The following CPNE4 variants were observed in gnomAD, a reference collection of about 807,000 sequenced individuals.
The protein encoded by CPNE4 is copine 4, also known as copine-4.
In CPNE4, 25 loss-of-function variants were observed where a neutral mutation model predicts 67.9. That is an observed-to-expected ratio of 0.37 (90% CI 0.27 to 0.51). The LOEUF (loss-of-function observed/expected upper bound fraction) is 0.51. CPNE4 is among the 20% of genes least tolerant of loss of function. The pLI is 0.93. For synonymous variants in CPNE4, 242 were observed against 244.9 expected, an observed-to-expected ratio of 0.99 and a Z score of 0.11; for missense variants, 464 against 690.8, an observed-to-expected ratio of 0.67 and a Z score of 3.68.
chr3:131,910,231 G>A (rs1310358065), intron 1 of CPNE4, among the ~76,000 whole-genome samples: 1 of 151,992 alleles, frequency 6.6e-6, no homozygotes, highest in African/African-American at 2.4e-5. Context: ...TGCAGTTCTG[G>A]GGAAGGGGGG....
chr3:131,587,678 A>T (rs1042593605), intron 7 of CPNE4, 96 bp from the exon 8 acceptor site: 3 of 881,464 alleles, frequency 3.4e-6, no homozygotes, highest in Non-Finnish European at 3.6e-6. Flanking sequence ...TAGATGAAAG[A>T]TGTTTGGTCT....
chr3:131,629,300 C>T (rs952729135), intron 7 of CPNE4, among the ~76,000 whole-genome samples: 2 of 152,150 alleles, frequency 1.3e-5, no homozygotes, highest in Admixed American at 6.5e-5. Flanking sequence ...CCATATCACC[C>T]TCCACCAGCA....
chr3:131,718,897 C>T (rs957607786), intron 3 of CPNE4, among the ~76,000 whole-genome samples: 40 of 152,270 alleles, frequency 2.6e-4, no homozygotes, highest in Admixed American at 1.8e-3. Flanking sequence ...AAGAAATAAA[C>T]GAATGAATGA....
chr3:131,899,060 C>T (rs74827176), intron 2 of CPNE4, among the ~76,000 whole-genome samples: 1 of 152,130 alleles, frequency 6.6e-6, no homozygotes, highest in East Asian at 1.9e-4. Flanking sequence ...GAGAAAGAAG[C>T]TTGTCTGTGA....
chr3:132,001,796 A>G (rs1443418633), intron 1 of CPNE4, among the ~76,000 whole-genome samples: 2 of 152,084 alleles, frequency 1.3e-5, no homozygotes, highest in Non-Finnish European at 2.9e-5. Context: ...GGCTGAATTA[A>G]GGTCAAAATC....
chr3:131,792,631 ACACACGTG>A lies in CPNE4; in HGVS notation c.181-69014_181-69007del, dbSNP rs1560321231. Among the ~76,000 whole-genome samples the A allele has an allele frequency of 1.8e-3, 162 of 91,184 alleles. 2 individuals carry two copies. The highest frequency in any genetic ancestry group is 5.7e-3 in the Middle Eastern group (1 of 174). 59.8% of individuals were successfully genotyped at this position (91,184 alleles called of 152,430 possible). A position where few individuals can be genotyped will look rare whatever the true frequency, so the allele number is the denominator to read the frequency against. On this transcript the variant is annotated intron_variant, in intron 2 of 15. Coordinates refer to ENST00000429747, the MANE Select transcript of CPNE4 (RefSeq NM_130808.3). ...TGTGTGTATATATGTATATATATAT[ACACACGTG>A]TATATATGTATATATACACACGTGT...
intron 2 of CPNE4, among the ~76,000 whole-genome samples, chr3:131,792,794 A>T (rs1246624014): frequency 6.9e-6 from 1 of 144,864 alleles, no homozygotes; most frequent in African/African-American, 2.6e-5. Flanking sequence ...ATATATGTAT[A>T]TATTGTATAT....
intron 3 of CPNE4, among the ~76,000 whole-genome samples, chr3:131,714,974 T>A (rs914870369): frequency 1.3e-5 from 2 of 152,094 alleles, no homozygotes; most frequent in African/African-American, 4.8e-5. Flanking sequence ...GGAGGAGACA[T>A]ACACTGAAGA....
intron 2 of CPNE4, among the ~76,000 whole-genome samples, chr3:131,838,694 C>A (rs2108012810): frequency 6.6e-6 from 1 of 151,686 alleles, no homozygotes; most frequent in African/African-American, 2.4e-5. Flanking sequence ...TATTAAAGTA[C>A]TTTTATACTA....
chr3:131,951,816 C>T (rs1303156555), intron 1 of CPNE4, among the ~76,000 whole-genome samples: 1 of 152,310 alleles, frequency 6.6e-6, no homozygotes, highest in African/African-American at 2.4e-5. Flanking sequence ...CCGCCAGCCT[C>T]GGCCTCCCGA....
chr3:132,033,684 G>A (rs1349831462), intron 1 of CPNE4, among the ~76,000 whole-genome samples: 3 of 152,374 alleles, frequency 2.0e-5, no homozygotes, highest in Middle Eastern at 3.4e-3. Flanking sequence ...CATAGAATGG[G>A]AAATAGGGCC....
chr3:131,716,162 G>A (rs2081680018), intron 3 of CPNE4, among the ~76,000 whole-genome samples: 1 of 152,056 alleles, frequency 6.6e-6, no homozygotes, highest in South Asian at 2.1e-4. Flanking sequence ...CTTTCCTAAA[G>A]GCCAGGAGTC....
At chr3:131,645,859 G>A (rs2079651115) in intron 7 of CPNE4, among the ~76,000 whole-genome samples, 1 of 152,204 alleles carries the variant, frequency 6.6e-6, no homozygotes, top group African/African-American at 2.4e-5. Context: ...TTAAGCACAG[G>A]AAGGTTATTT....
chr3:131,791,729 T>G (rs2083728040), intron 2 of CPNE4, among the ~76,000 whole-genome samples: 1 of 152,180 alleles, frequency 6.6e-6, no homozygotes, highest in Non-Finnish European at 1.5e-5. Context: ...GGGGTGGTGT[T>G]TCCCGATTTG....
At chr3:131,589,033 C>T (rs968385124) in intron 7 of CPNE4, among the ~76,000 whole-genome samples, 4 of 152,112 alleles carry the variant, frequency 2.6e-5, no homozygotes, top group Admixed American at 6.5e-5. Flanking sequence ...CCAAATTCAC[C>T]GTTTATGATC....
At chr3:131,813,158 G>A (rs1004306793) in intron 2 of CPNE4, among the ~76,000 whole-genome samples, 3 of 151,810 alleles carry the variant, frequency 2.0e-5, no homozygotes, top group Non-Finnish European at 2.9e-5. Context: ...AACTTATTCC[G>A]ATAAAAATGG....
rs1345536449 is a variant in CPNE4, at chr3:131,844,577, A to C, written c.180+60687T>G. Among the ~76,000 whole-genome samples, 6 of 152,096 alleles carry C rather than the reference A, an allele frequency of 3.9e-5. 1 individual carries two copies. Among genetic ancestry groups the C allele is most frequent in the Admixed American group, 3.9e-4 (6 of 15,270 alleles). Reference sequence around the variant, plus strand: ...CCCATCTCTGTATGTTCTTATATGCAATGTTTTCCTCACTTCTTTCAAGTC... The same window carrying C: ...CCCATCTCTGTATGTTCTTATATGCCATGTTTTCCTCACTTCTTTCAAGTC... On this transcript the variant is annotated intron_variant, in intron 2 of 15. Transcript: ENST00000429747.
At chr3:131,636,080 CAAAAA>C (rs749734624) in intron 7 of CPNE4, among the ~76,000 whole-genome samples, 1 of 52,864 alleles carries the variant, frequency 1.9e-5, no homozygotes. Context: ...GACTCCGTCT[CAAAAA>C]AAAAAAAAAA....
chr3:131,751,764 G>GTTT (rs61336816), intron 2 of CPNE4, among the ~76,000 whole-genome samples: 46 of 145,166 alleles, frequency 3.2e-4, no homozygotes, highest in East Asian at 2.0e-3. Flanking sequence ...CTGTTTAGCT[G>GTTT]TTTTTTTTTT....
Sources: allele counts gnomAD v4.1 joint callset (sites outside exome capture counted in the v4.1 genomes callset), GRCh38; gene constraint gnomAD v4.1.1; transcripts MANE v1.5; gene names NCBI Gene and HGNC (gene_info 2026-07-23, HGNC 2026-07-21).